The following SNX24 variants were observed in gnomAD, a reference collection of about 807,000 sequenced individuals.
SNX24 encodes the protein sorting nexin-24.
Under a neutral mutation model 28.7 loss-of-function variants are expected in SNX24, and 22 were observed. The ratio of observed to expected loss-of-function variants is 0.77; its 90% CI spans 0.55 to 1.10. SNX24 has a LOEUF of 1.10. SNX24 is among the 50% of genes least tolerant of loss of function. The pLI, the probability that SNX24 is intolerant of heterozygous loss-of-function variation, is 0.00. For synonymous variants in SNX24, 69 were observed against 71.5 expected, an observed-to-expected ratio of 0.96 and a Z score of 0.18; for missense variants, 221 against 201.1, an observed-to-expected ratio of 1.10 and a Z score of -0.60.
intron 1 of SNX24, among the ~76,000 whole-genome samples, chr5:122,910,844 A>G (rs944441635): frequency 2.6e-5 from 4 of 152,064 alleles, no homozygotes; most frequent in African/African-American, 7.2e-5. Flanking sequence ...TATATGTGCC[A>G]CATTTTCTTA....
intron 1 of SNX24, among the ~76,000 whole-genome samples, chr5:122,916,978 T>TA (rs1299415302): frequency 6.6e-6 from 1 of 152,140 alleles, no homozygotes; most frequent in Non-Finnish European, 1.5e-5. Context: ...TGAAAATACT[T>TA]AAAGACTGGG....
chr5:122,983,980 T>C (rs1554078517), intron 3 of SNX24, among the ~76,000 whole-genome samples: 1 of 152,254 alleles, frequency 6.6e-6, no homozygotes, highest in Non-Finnish European at 1.5e-5. Flanking sequence ...ATAATTGATA[T>C]TTGTTGCTTT....
intron 3 of SNX24, among the ~76,000 whole-genome samples, chr5:122,994,295 A>G (rs997852512): frequency 2.4e-4 from 36 of 152,084 alleles, no homozygotes; most frequent in African/African-American, 7.7e-4. Context: ...CTTAGTGACA[A>G]TTTTCTAAAA....
chr5:122,912,319 T>G (rs972674988), intron 1 of SNX24, among the ~76,000 whole-genome samples: 129 of 149,604 alleles, frequency 8.6e-4, no homozygotes, highest in South Asian at 2.4e-3. Context: ...TACATTGATT[T>G]TGTATCCTGA....
chr5:122,898,672 C>T (rs988161865), intron 1 of SNX24, among the ~76,000 whole-genome samples: 4 of 152,112 alleles, frequency 2.6e-5, no homozygotes, highest in Non-Finnish European at 5.9e-5. Flanking sequence ...AAAATGAAAT[C>T]AAAATAAATA....
intron 1 of SNX24, among the ~76,000 whole-genome samples, chr5:122,913,625 C>A (rs190805407): frequency 4.0e-5 from 6 of 150,984 alleles, no homozygotes. Flanking sequence ...ACTTCTCAGA[C>A]GGGGCGGCTG....
chr5:122,991,722 A>G (rs1340854336), intron 3 of SNX24, among the ~76,000 whole-genome samples: 2 of 152,140 alleles, frequency 1.3e-5, no homozygotes, highest in East Asian at 3.8e-4. Flanking sequence ...TGGCCTCCCA[A>G]AGTTCTGGGA....
chr5:122,869,137 A>T (rs1382707264), intron 1 of SNX24, among the ~76,000 whole-genome samples: 1 of 152,220 alleles, frequency 6.6e-6, no homozygotes, highest in Non-Finnish European at 1.5e-5. Flanking sequence ...CTTGTTTATT[A>T]TCGGTGAACA....
At chr5:122,913,403 C>T (rs1313197014) in intron 1 of SNX24, among the ~76,000 whole-genome samples, 1 of 150,810 alleles carries the variant, frequency 6.6e-6, no homozygotes, top group Non-Finnish European at 1.5e-5. Flanking sequence ...GCTGACCCCC[C>T]ACCTCCCTCC....
chr5:122,864,335 C>A (rs1038968344), intron 1 of SNX24, among the ~76,000 whole-genome samples: 13 of 152,098 alleles, frequency 8.5e-5, no homozygotes, highest in Non-Finnish European at 1.6e-4. Flanking sequence ...AAGTGACGAA[C>A]AAGGGTGACT....
At chr5:122,973,237 A>G (rs1761030145) in intron 3 of SNX24, among the ~76,000 whole-genome samples, 1 of 152,196 alleles carries the variant, frequency 6.6e-6, no homozygotes, top group African/African-American at 2.4e-5. Context: ...CTGACCATCA[A>G]GCCAAACCAT....
At chr5:123,006,596 T>C (rs573953893) in intron 6 of SNX24, among the ~76,000 whole-genome samples, 14 of 152,388 alleles carry the variant, frequency 9.2e-5, no homozygotes, top group African/African-American at 2.4e-4. Flanking sequence ...TAGCTTCCCA[T>C]TGAGTTTCAG....
At chr5:122,955,021 A>G (rs937591252) in intron 3 of SNX24, among the ~76,000 whole-genome samples, 2 of 151,838 alleles carry the variant, frequency 1.3e-5, no homozygotes, top group African/African-American at 4.8e-5. Flanking sequence ...ATTTTTTATT[A>G]TAGACCCACA....
chr5:122,940,697 G>A (rs747429339), intron 2 of SNX24, among the ~76,000 whole-genome samples: 79 of 151,982 alleles, frequency 5.2e-4, no homozygotes, highest in African/African-American at 1.6e-3. Context: ...CCAGCCTCCC[G>A]AGTAGCTAAG....
chr5:122,973,302 A>G (rs185693996), intron 3 of SNX24, among the ~76,000 whole-genome samples: 47 of 152,294 alleles, frequency 3.1e-4, no homozygotes, highest in Middle Eastern at 3.4e-3. Context: ...TTCTCCTCCC[A>G]TGCAAAGTGT....
At chr5:122,868,840 A>G (rs1755845471) in intron 1 of SNX24, among the ~76,000 whole-genome samples, 1 of 152,202 alleles carries the variant, frequency 6.6e-6, no homozygotes, top group South Asian at 2.1e-4. Context: ...AACACCCAGA[A>G]TGTTTGACTG....
intron 3 of SNX24, among the ~76,000 whole-genome samples, chr5:122,972,318 G>T: frequency 6.6e-6 from 1 of 152,196 alleles, no homozygotes; most frequent in East Asian, 1.9e-4. Flanking sequence ...CACTAGGGGT[G>T]ATGGTAAATG....
chr5:122,883,797 G>C (rs1027110033), intron 1 of SNX24, among the ~76,000 whole-genome samples: 1 of 152,032 alleles, frequency 6.6e-6, no homozygotes, highest in Non-Finnish European at 1.5e-5. Context: ...CTGCAGGCAC[G>C]CATGCGCCAC....
intron 5 of SNX24, among the ~76,000 whole-genome samples, chr5:123,016,583 CAG>C (rs1762682434): frequency 6.6e-6 from 1 of 152,108 alleles, no homozygotes. Context: ...GGATTTGAAG[CAG>C]AGAGACTTAG....
Sources: allele counts gnomAD v4.1 joint callset (sites outside exome capture counted in the v4.1 genomes callset), GRCh38; gene constraint gnomAD v4.1.1; transcripts MANE v1.5; gene names NCBI Gene and HGNC (gene_info 2026-07-23, HGNC 2026-07-21).